ITFG1: variants seen among roughly 807,000 people sequenced by gnomAD.
ITFG1 encodes the protein T-cell immunomodulatory protein.
A neutral mutation model predicts 81.8 loss-of-function variants in ITFG1; 34 were observed. The ratio of observed to expected loss-of-function variants is 0.42; its 90% confidence interval spans 0.32 to 0.55. The LOEUF is 0.55. ITFG1 is among the 20% of genes least tolerant of loss of function. The pLI is 0.17. For synonymous variants in ITFG1, 285 were observed against 270.6 expected (o/e 1.05, Z -0.52); for missense variants, 672 against 755.4 (o/e 0.89, Z 1.29).
rs562742809 is a variant in ITFG1, at chr16:47,236,319, C to CA, written c.1374+1645dup. On this transcript the variant is annotated intron_variant, in intron 13 of 17. Coordinates refer to ENST00000320640, the MANE Select transcript of ITFG1 (RefSeq NM_030790.5). ...TAAAACCCCGTCTCTACTAAAAATA[C>CA]AAAAAATTAGCCGGGCATGGTGGCA... Among the ~76,000 whole-genome samples, 23 of 151,832 alleles carry CA rather than the reference C, an allele frequency of 1.5e-4. 1 individual carries two copies. The East Asian group carries it at 4.3e-3, about 28-fold the overall frequency.
chr16:47,235,858 G>A (rs1965867270), intron 13 of ITFG1, among the ~76,000 whole-genome samples: 1 of 152,164 alleles, frequency 6.6e-6, no homozygotes, highest in East Asian at 1.9e-4. Flanking sequence ...TTGTGATACT[G>A]GGTAAGTACA....
At chr16:47,283,148 A>T (rs1030416697) in intron 10 of ITFG1, among the ~76,000 whole-genome samples, 2 of 152,110 alleles carry the variant, frequency 1.3e-5, no homozygotes, top group African/African-American at 4.8e-5. Flanking sequence ...TTATTCATAA[A>T]GTCTCCCTAG....
At chr16:47,451,274 T>C (rs1969385132) in intron 5 of ITFG1, 122 bp downstream of exon 5, 2 of 589,270 alleles carry the variant, frequency 3.4e-6, no homozygotes, top group East Asian at 2.9e-5. Flanking sequence ...TTATATATAT[T>C]AACCAAATGC....
intron 14 of ITFG1, among the ~76,000 whole-genome samples, chr16:47,205,351 G>A (rs1965479116): frequency 1.3e-5 from 2 of 152,132 alleles, no homozygotes; most frequent in African/African-American, 4.8e-5. Flanking sequence ...ATTGTCAAAT[G>A]TCTCCCATGA....
chr16:47,222,321 T>C (rs1220978343), intron 13 of ITFG1, among the ~76,000 whole-genome samples: 1 of 152,044 alleles, frequency 6.6e-6, no homozygotes, highest in Non-Finnish European at 1.5e-5. Flanking sequence ...AACATCTTTA[T>C]TTCTGCCTTC....
chr16:47,448,807 T>G (rs1567504178), intron 5 of ITFG1: 1 of 152,142 alleles, frequency 6.6e-6, no homozygotes, highest in Non-Finnish European at 1.5e-5. Flanking sequence ...GAAGCTGCTG[T>G]GACACTTAAC....
chr16:47,405,720 GCTAGC>G (rs1242657156), intron 6 of ITFG1, among the ~76,000 whole-genome samples: 3 of 152,084 alleles, frequency 2.0e-5, no homozygotes, highest in African/African-American at 7.2e-5. Context: ...TTAGAACAGT[GCTAGC>G]CTCATCTAAA....
chr16:47,379,681 T>G (rs1471600741), intron 6 of ITFG1, among the ~76,000 whole-genome samples: 5 of 146,402 alleles, frequency 3.4e-5, no homozygotes. Context: ...GCGAGATTAT[T>G]CCATCTCAAA....
intron 7 of ITFG1, among the ~76,000 whole-genome samples, chr16:47,371,408 A>G (rs1278274246): frequency 6.6e-6 from 1 of 152,214 alleles, no homozygotes; most frequent in Non-Finnish European, 1.5e-5. Context: ...TGCTGTTACT[A>G]CTGCTACCAC....
At chr16:47,409,638 C>T (rs530884399) in intron 6 of ITFG1, among the ~76,000 whole-genome samples, 2 of 149,874 alleles carry the variant, frequency 1.3e-5, no homozygotes, top group African/African-American at 2.4e-5. Flanking sequence ...AGAATGGTCT[C>T]GATCTCCTGA....
intron 14 of ITFG1, among the ~76,000 whole-genome samples, chr16:47,198,253 A>T (rs1965381928): frequency 6.6e-6 from 1 of 152,196 alleles, no homozygotes; most frequent in Non-Finnish European, 1.5e-5. Flanking sequence ...TCAAATTACC[A>T]TCATGCACTG....
intron 8 of ITFG1, among the ~76,000 whole-genome samples, chr16:47,318,797 G>C (rs549488176): frequency 1.3e-5 from 2 of 152,188 alleles, no homozygotes; most frequent in South Asian, 4.2e-4. Context: ...AGAATTGCCT[G>C]GCTTTAAAAT....
intron 6 of ITFG1, among the ~76,000 whole-genome samples, chr16:47,384,200 C>T (rs1311317754): frequency 6.6e-6 from 1 of 152,186 alleles, no homozygotes; most frequent in Non-Finnish European, 1.5e-5. Flanking sequence ...AGTTGCTGGT[C>T]TCTCTAATAA....
chr16:47,414,120 C>T (rs181360605), intron 6 of ITFG1, among the ~76,000 whole-genome samples: 24 of 152,036 alleles, frequency 1.6e-4, no homozygotes, highest in Admixed American at 5.2e-4. Context: ...CACGCCCAGC[C>T]GAGATGTACT....
intron 6 of ITFG1, among the ~76,000 whole-genome samples, chr16:47,410,542 A>G (rs1157645942): frequency 6.6e-6 from 1 of 152,010 alleles, no homozygotes; most frequent in Non-Finnish European, 1.5e-5. Flanking sequence ...TTTTGAGAGA[A>G]AACACTGAGA....
intron 7 of ITFG1, among the ~76,000 whole-genome samples, chr16:47,368,858 C>A (rs1968213820): frequency 6.6e-6 from 1 of 152,034 alleles, no homozygotes; most frequent in Non-Finnish European, 1.5e-5. Context: ...CACTGAGCAT[C>A]AATAGAAGAG....
chr16:47,258,078 T>A (rs1966160291), intron 12 of ITFG1, among the ~76,000 whole-genome samples: 1 of 152,068 alleles, frequency 6.6e-6, no homozygotes, highest in African/African-American at 2.4e-5. Context: ...CACTAATGAA[T>A]TACAAAGGGG....
At chr16:47,159,552 T>TA (rs1964768418) in intron 16 of ITFG1, among the ~76,000 whole-genome samples, 2 of 152,136 alleles carry the variant, frequency 1.3e-5, no homozygotes, top group Non-Finnish European at 2.9e-5. Context: ...TCAGATCACT[T>TA]ACAAAATCAT....
chr16:47,404,384 G>A (rs1410545937), intron 6 of ITFG1, among the ~76,000 whole-genome samples: 2 of 152,130 alleles, frequency 1.3e-5, no homozygotes, highest in Non-Finnish European at 2.9e-5. Context: ...AGTGAAAAAT[G>A]AAGTTACAAA....
Sources: gnomAD v4.1 joint callset for allele counts (sites outside exome capture counted in the v4.1 genomes callset) on GRCh38, gnomAD v4.1.1 for gene constraint, MANE v1.5 for transcripts, NCBI Gene and HGNC (gene_info 2026-07-23, HGNC 2026-07-21) for gene names.